The following SLC17A6 variants were observed in gnomAD, a reference collection of about 807,000 sequenced individuals.
SLC17A6 encodes the protein vesicular glutamate transporter 2.
A neutral mutation model predicts 67.1 loss-of-function variants in SLC17A6; 35 were observed. The ratio of observed to expected loss-of-function variants is 0.52; its 90% CI spans 0.40 to 0.69. The LOEUF is 0.69. Ranked by LOEUF, SLC17A6 falls within the 30% of genes least tolerant of loss-of-function variation. The probability of loss-of-function intolerance (pLI) is 0.00; values close to 1 mark genes in which losing one functional copy is unlikely to be tolerated. For synonymous variants in SLC17A6, 285 were observed against 252.3 expected, an observed-to-expected ratio of 1.13 and a Z score of -1.23; for missense variants, 588 against 723.9, an observed-to-expected ratio of 0.81 and a Z score of 2.15.
intron 1 of SLC17A6, among the ~76,000 whole-genome samples, chr11:22,338,993 A>G (rs1855770072): frequency 6.7e-6 from 1 of 149,626 alleles, no homozygotes; most frequent in Admixed American, 6.7e-5. Flanking sequence ...AATTCCTTTG[A>G]TGCAGACAAA....
rs150574730 is a variant in SLC17A6, at chr11:22,369,202, T to G, written c.892-837T>G. Among the ~76,000 whole-genome samples, 1,117 of 152,120 alleles carry G rather than the reference T, an allele frequency of 7.3e-3. 18 individuals carry two copies. Among genetic ancestry groups the G allele is most frequent in the African/African-American group, 0.026 (1,067 of 41,552 alleles). ...AGAAATAATTAGGGAATATGAGAGATATTTTAATGGCTAAAAATATTAGTC... is the reference window on the plus strand; with the variant it reads ...AGAAATAATTAGGGAATATGAGAGAGATTTTAATGGCTAAAAATATTAGTC... On this transcript the variant is annotated intron_variant, in intron 7 of 11. Transcript: ENST00000263160.
chr11:22,365,358 G>C (rs1856099684), intron 6 of SLC17A6, among the ~76,000 whole-genome samples, 189 bp from the exon 7 acceptor site: 1 of 152,142 alleles, frequency 6.6e-6, no homozygotes, highest in African/African-American at 2.4e-5. Flanking sequence ...AAAACCACAG[G>C]ACTGGCCTTT....
At chr11:22,362,610 G>T in intron 5 of SLC17A6, 129 bp from the exon 6 acceptor site, 1 of 706,298 alleles carries the variant, frequency 1.4e-6, no homozygotes, top group Non-Finnish European at 2.5e-6. Context: ...TGGAGGGTAT[G>T]TGCATGGGTG....
At chr11:22,377,272 T>A in intron 11 of SLC17A6, 133 bp from the exon 12 acceptor site, 1 of 668,120 alleles carries the variant, frequency 1.5e-6, no homozygotes, top group Admixed American at 3.2e-5. Flanking sequence ...GTTTTTGCTT[T>A]ACATAATCAG....
chr11:22,350,471 A>T (rs934878934), intron 3 of SLC17A6, among the ~76,000 whole-genome samples: 7 of 151,522 alleles, frequency 4.6e-5, no homozygotes, highest in Non-Finnish European at 8.9e-5. Flanking sequence ...AAAAAAACCC[A>T]ACAATTTTAA....
chr11:22,346,689 G>T (rs1406778230), intron 3 of SLC17A6, among the ~76,000 whole-genome samples: 1 of 151,676 alleles, frequency 6.6e-6, no homozygotes, highest in African/African-American at 2.4e-5. Flanking sequence ...AAATAATACA[G>T]GACATCGGCT....
At chr11:22,346,829 TATATATAAATATATAAA>T (rs1407555512) in intron 3 of SLC17A6, among the ~76,000 whole-genome samples, 4 of 148,190 alleles carry the variant, frequency 2.7e-5, no homozygotes, top group Non-Finnish European at 5.9e-5. Context: ...ATATATGAAA[TATATATAAATATATAAA>T]ATATATAAAT....
In SLC17A6 at chr11:22,377,404, G is replaced by T; in HGVS notation, c.1414-1G>T. 6.3e-7 allele frequency: 1 copy of T among 1,599,234 alleles called. No individual in the cohort carries two copies. ...CACAGTGCTGCTTTTTCTCACTGCA[G>T]TCACGTGAAGAGTGGCAGTATGTCT... On this transcript the variant is annotated splice_acceptor_variant, in intron 11 of 11. Transcript: ENST00000263160. LOFTEE classifies it high-confidence loss of function.
intron 3 of SLC17A6, among the ~76,000 whole-genome samples, chr11:22,354,095 T>C (rs1340249655): frequency 6.6e-6 from 1 of 152,072 alleles, no homozygotes; most frequent in African/African-American, 2.4e-5. Context: ...TTCTTCTTTT[T>C]TTTTTGAGAC....
intron 3 of SLC17A6, among the ~76,000 whole-genome samples, chr11:22,353,904 A>T (rs1462251537): frequency 3.3e-5 from 5 of 152,168 alleles, no homozygotes; most frequent in African/African-American, 1.2e-4. Flanking sequence ...TGATTCCCAA[A>T]GCAGAACAAG....
chr11:22,354,269 A>G (rs573249207), intron 3 of SLC17A6, among the ~76,000 whole-genome samples: 4 of 152,220 alleles, frequency 2.6e-5, no homozygotes, highest in Admixed American at 2.6e-4. Context: ...TTTTTAGTAC[A>G]GACGGGATTT....
intron 3 of SLC17A6, among the ~76,000 whole-genome samples, chr11:22,344,076 G>T (rs559366790): frequency 7.3e-4 from 111 of 152,204 alleles, no homozygotes; most frequent in South Asian, 1.5e-3. Flanking sequence ...GGTGTCGAGG[G>T]GCACGCTTGG....
At chr11:22,339,792 A>G (rs1235539776) in intron 1 of SLC17A6, among the ~76,000 whole-genome samples, 3 of 152,160 alleles carry the variant, frequency 2.0e-5, no homozygotes, top group Non-Finnish European at 4.4e-5. Flanking sequence ...TAGATACCGC[A>G]AGGGCCCTGC....
chr11:22,348,786 A>G (rs952371617), intron 3 of SLC17A6, among the ~76,000 whole-genome samples: 2 of 152,246 alleles, frequency 1.3e-5, no homozygotes, highest in Admixed American at 1.3e-4. Flanking sequence ...TTATAAAAAT[A>G]AATTTTAATA....
chr11:22,371,263 T>G (rs2133876483), intron 8 of SLC17A6, among the ~76,000 whole-genome samples: 1 of 152,218 alleles, frequency 6.6e-6, no homozygotes, highest in Admixed American at 6.5e-5. Context: ...GCTATCTCTC[T>G]TCATGTCATT....
In SLC17A6 at chr11:22,338,608, C is replaced by G. The variant is rs1336235742; in HGVS notation, c.75C>G (p.Gly25=). ...AGAATTTTGCTGGAAAATCACTCGG[C>G]CAGATCTACAGGTAAGACAAAGCGA... ...GLKNFAGKSL[G]QIYRVLEKKQ... The change falls in exon 1 of 12, where the codon GGC becomes GGG. Residue 25 remains glycine (G), a synonymous_variant. Transcript: ENST00000263160. 6.2e-7 allele frequency: 1 copy of G among 1,612,512 alleles called. No homozygotes were observed. The highest frequency in any genetic ancestry group is 1.3e-5 in the African/African-American group (1 of 74,820).
intron 6 of SLC17A6, among the ~76,000 whole-genome samples, chr11:22,363,075 T>C (rs1469594888): frequency 6.6e-6 from 1 of 152,188 alleles, no homozygotes; most frequent in African/African-American, 2.4e-5. Context: ...ATTTAGTAAA[T>C]CTATGTCCTT....
At chr11:22,342,782 C>T (rs551768715) in intron 2 of SLC17A6, 7 of 343,780 alleles carry the variant, frequency 2.0e-5, no homozygotes, top group South Asian at 1.1e-4. Flanking sequence ...CTGCACCTTT[C>T]ACCATTTGCT....
chr11:22,370,794 A>G (rs974153294), intron 8 of SLC17A6, among the ~76,000 whole-genome samples: 6 of 152,158 alleles, frequency 3.9e-5, no homozygotes, highest in African/African-American at 1.4e-4. Context: ...TAAACGTGAA[A>G]GTAAGTTACC....
Sources: gnomAD v4.1 joint callset for allele counts (sites outside exome capture counted in the v4.1 genomes callset) on GRCh38, gnomAD v4.1.1 for gene constraint, MANE v1.5 for transcripts, NCBI Gene and HGNC (gene_info 2026-07-23, HGNC 2026-07-21) for gene names.